Variants in PDSS2 observed in about 807,000 individuals in gnomAD.
PDSS2 encodes the protein decaprenyl diphosphate synthase subunit 2.
Under a neutral mutation model 44.5 loss-of-function variants are expected in PDSS2, and 31 were observed. That is an observed-to-expected ratio of 0.70 (90% CI 0.52 to 0.94). PDSS2 has a LOEUF of 0.94. Among genes scored for constraint, PDSS2 ranks in the 40% least tolerant of loss-of-function variants. PDSS2 has a pLI of 0.00. For missense variants in PDSS2, 452 were observed against 482.2 expected (o/e 0.94, Z 0.59); for synonymous variants, 157 against 180.3 (o/e 0.87, Z 1.03).
chr6:107,363,420 A>G (rs2448084), intron 1 of PDSS2, among the ~76,000 whole-genome samples: 146,404 of 152,086 alleles, frequency 0.96, 70,711 homozygotes, highest in East Asian at 1. Context: ...TCGTGGTCTC[A>G]CTGGCTCAGG....
intron 1 of PDSS2, among the ~76,000 whole-genome samples, chr6:107,455,291 G>A (rs75934091): frequency 4.0e-5 from 6 of 150,058 alleles, no homozygotes; most frequent in Admixed American, 6.7e-5. Flanking sequence ...CTAAGTAGAC[G>A]AACTACGGTT....
intron 4 of PDSS2, among the ~76,000 whole-genome samples, chr6:107,244,583 G>T (rs138065137): frequency 1.3e-5 from 2 of 152,174 alleles, no homozygotes; most frequent in Admixed American, 1.3e-4. Flanking sequence ...TGAACCAAAC[G>T]TTGGCAGATG....
intron 2 of PDSS2, among the ~76,000 whole-genome samples, chr6:107,322,374 C>A (rs1339330784): frequency 6.6e-6 from 1 of 151,906 alleles, no homozygotes; most frequent in Non-Finnish European, 1.5e-5. Context: ...AAAAAAATAG[C>A]CGGGCATGAA....
chr6:107,228,318 C>T (rs981296068), intron 4 of PDSS2, among the ~76,000 whole-genome samples: 10 of 152,192 alleles, frequency 6.6e-5, no homozygotes, highest in Non-Finnish European at 2.9e-5. Context: ...TACCACTTTG[C>T]ATATTTAATC....
intron 1 of PDSS2, among the ~76,000 whole-genome samples, chr6:107,405,961 A>G (rs1310516527): frequency 6.6e-6 from 1 of 152,194 alleles, no homozygotes; most frequent in Non-Finnish European, 1.5e-5. Context: ...TGTAAACTTT[A>G]CAGGTGATGG....
chr6:107,216,435 T>C (rs1354774005), intron 4 of PDSS2, among the ~76,000 whole-genome samples: 1 of 151,972 alleles, frequency 6.6e-6, no homozygotes, highest in Non-Finnish European at 1.5e-5. Flanking sequence ...ATTGCGCCAC[T>C]GCACTCTAAC....
At chr6:107,171,923 T>G (rs1399373424) in intron 7 of PDSS2, among the ~76,000 whole-genome samples, 1 of 152,198 alleles carries the variant, frequency 6.6e-6, no homozygotes, top group African/African-American at 2.4e-5. Flanking sequence ...CAAGCCCTTA[T>G]GGCTTGAAGA....
chr6:107,172,400 C>CT (rs1236304569), intron 7 of PDSS2, among the ~76,000 whole-genome samples: 1 of 151,986 alleles, frequency 6.6e-6, no homozygotes, highest in Admixed American at 6.6e-5. Flanking sequence ...GACTTTAAGA[C>CT]TTAGGAGAGG....
chr6:107,437,493 C>T (rs546626246), intron 1 of PDSS2, among the ~76,000 whole-genome samples: 9 of 148,088 alleles, frequency 6.1e-5, no homozygotes, highest in Non-Finnish European at 1.2e-4. Context: ...CCACTGCACT[C>T]CAGCCTAGGA....
chr6:107,250,740 C>A (rs900611929), intron 3 of PDSS2, among the ~76,000 whole-genome samples: 7 of 152,192 alleles, frequency 4.6e-5, no homozygotes, highest in Non-Finnish European at 7.3e-5. Context: ...TTCAGGAGTA[C>A]TGTCAGTTAG....
chr6:107,405,357 T>C (rs1232657424), intron 1 of PDSS2, among the ~76,000 whole-genome samples: 1 of 151,712 alleles, frequency 6.6e-6, no homozygotes, highest in Non-Finnish European at 1.5e-5. Context: ...CTCAGAGGTC[T>C]TATAAAACAA....
At chr6:107,422,625 G>A (rs567977321) in intron 1 of PDSS2, among the ~76,000 whole-genome samples, 204 of 152,054 alleles carry the variant, frequency 1.3e-3, no homozygotes, top group Middle Eastern at 6.8e-3. Context: ...GAAATATCAC[G>A]TAGTTGTTAA....
intron 7 of PDSS2, among the ~76,000 whole-genome samples, chr6:107,179,406 G>T (rs1771898427): frequency 6.6e-6 from 1 of 151,888 alleles, no homozygotes; most frequent in Non-Finnish European, 1.5e-5. Flanking sequence ...TCTGCCTCCT[G>T]AATAGCTGGG....
chr6:107,261,094 T>C (rs1485867444), intron 3 of PDSS2, among the ~76,000 whole-genome samples: 1 of 152,238 alleles, frequency 6.6e-6, no homozygotes, highest in East Asian at 1.9e-4. Context: ...CTTTCTGAGT[T>C]AGGAGTTTAC....
intron 2 of PDSS2, among the ~76,000 whole-genome samples, chr6:107,305,693 G>C (rs1359406138): frequency 6.6e-6 from 1 of 152,188 alleles, no homozygotes; most frequent in Admixed American, 6.5e-5. Context: ...TTATTTAGAG[G>C]TGTGGACAGA....
At chr6:107,403,544 G>C (rs1294767981) in intron 1 of PDSS2, among the ~76,000 whole-genome samples, 1 of 152,164 alleles carries the variant, frequency 6.6e-6, no homozygotes, top group Non-Finnish European at 1.5e-5. Context: ...CCCTTCTTCT[G>C]CAGCAAATTT....
intron 4 of PDSS2, among the ~76,000 whole-genome samples, chr6:107,226,972 A>T (rs1376306848): frequency 4.7e-5 from 7 of 147,744 alleles, no homozygotes; most frequent in Non-Finnish European, 8.9e-5. Flanking sequence ...CGCCCGGCCC[A>T]GCCAAACCCA....
At chr6:107,392,311 C>A (rs1290978526) in intron 1 of PDSS2, among the ~76,000 whole-genome samples, 1 of 152,166 alleles carries the variant, frequency 6.6e-6, no homozygotes, top group Non-Finnish European at 1.5e-5. Context: ...CAATTGGCTG[C>A]CTATTTTGAG....
intron 1 of PDSS2, among the ~76,000 whole-genome samples, chr6:107,416,209 T>C (rs1480046983): frequency 1.3e-5 from 2 of 152,156 alleles, no homozygotes; most frequent in Non-Finnish European, 2.9e-5. Flanking sequence ...TCTAATCCTT[T>C]TTTTCAAGGA....
Sources: gnomAD v4.1 joint callset for allele counts (sites outside exome capture counted in the v4.1 genomes callset) on GRCh38, gnomAD v4.1.1 for gene constraint, MANE v1.5 for transcripts, NCBI Gene and HGNC (gene_info 2026-07-23, HGNC 2026-07-21) for gene names.